Variants in SREBF2 observed in about 807,000 individuals in gnomAD.
The protein encoded by SREBF2 is sterol regulatory element binding transcription factor 2, also known as sterol regulatory element-binding protein 2.
In SREBF2, 55 loss-of-function variants were observed where a neutral mutation model predicts 113.1. That is an observed-to-expected ratio of 0.49 (90% CI 0.39 to 0.61). SREBF2 has a LOEUF of 0.61. SREBF2 is among the 20% of genes least tolerant of loss of function. The pLI is 0.00. For missense variants in SREBF2, 1,349 were observed against 1,487.4 expected (o/e 0.91, Z 1.53); for synonymous variants, 593 against 605.7 (o/e 0.98, Z 0.31).
intron 9 of SREBF2, chr22:41,878,610 G>C: frequency 8.3e-7 from 1 of 1,207,792 alleles, no homozygotes; most frequent in Non-Finnish European, 1.1e-6. Flanking sequence ...AACCAGGAAA[G>C]GTTTTTGAGC....
intron 11 of SREBF2, among the ~76,000 whole-genome samples, chr22:41,890,398 G>A (rs1357709613): frequency 6.6e-6 from 1 of 152,244 alleles, no homozygotes; most frequent in African/African-American, 2.4e-5. Context: ...GTTTAAAATA[G>A]CCAGTGGCTC....
chr22:41,879,770 T>C (rs1266692843), intron 9 of SREBF2, among the ~76,000 whole-genome samples: 1 of 152,210 alleles, frequency 6.6e-6, no homozygotes, highest in East Asian at 1.9e-4. Flanking sequence ...TAGCCTGTCC[T>C]CTAGTTTCCA....
chr22:41,887,049 G>A (rs758415548), intron 11 of SREBF2, among the ~76,000 whole-genome samples: 4 of 151,280 alleles, frequency 2.6e-5, no homozygotes, highest in Non-Finnish European at 5.9e-5. Flanking sequence ...AAATACATAC[G>A]TACATACAAA....
In SREBF2 at chr22:41,901,548, C is replaced by G. The variant is rs2077465615; in HGVS notation, c.2907+1050C>G. ...TGGTGGCATGTATCTGTAATCCCAG[C>G]TACTCAGGAGGCTGAGGCAGAAGAA... On this transcript the variant is annotated intron_variant, in intron 16 of 18. Transcript: ENST00000361204. 2.0e-5 allele frequency among the ~76,000 whole-genome samples: 3 copies of G among 152,282 alleles called. No homozygotes were observed. In the South Asian group the frequency reaches 6.2e-4, roughly 32 times the overall value.
rs2077506024 is a variant in SREBF2 at position 41,906,058 on chromosome 22, C to G, written c.*398C>G. 1 of 469,118 alleles carries G rather than the reference C, an allele frequency of 2.1e-6. No individual in the cohort carries two copies. Among genetic ancestry groups the G allele is most frequent in the African/African-American group, 2.0e-5 (1 of 50,820 alleles). The allele number at this position is 469,118 out of a possible 1,614,324, so 29.1% of individuals were successfully genotyped here. On this transcript the variant is annotated 3_prime_UTR_variant, in exon 19 of 19. Coordinates refer to ENST00000361204, the MANE Select transcript of SREBF2 (RefSeq NM_004599.4). ...ACAGCAGTCTCTGAGCACCAGGGAG[C>G]AGTTGCCCTCAGGCCTGTGCCCAGC...
At chr22:41,858,661 C>T (rs1423330563) in intron 1 of SREBF2, among the ~76,000 whole-genome samples, 4 of 152,006 alleles carry the variant, frequency 2.6e-5, no homozygotes, top group Non-Finnish European at 5.9e-5. Context: ...AGTGGAGGAT[C>T]CCTTAAGCCC....
chr22:41,878,219 TGA>T, intron 9 of SREBF2, 96 bp downstream of exon 9: 2 of 1,531,980 alleles, frequency 1.3e-6, no homozygotes, highest in Non-Finnish European at 1.8e-6. Flanking sequence ...ATGCTTGTGG[TGA>T]GAGGAAAAAG....
chr22:41,900,473 C>A lies in SREBF2; in HGVS notation c.2882C>A (p.Ala961Asp). 6.2e-7 allele frequency: 1 copy of A among 1,613,556 alleles called. No individual in the cohort carries two copies. Among genetic ancestry groups the A allele is most frequent in the Non-Finnish European group, 8.5e-7 (1 of 1,179,868 alleles). Residue 961 changes from alanine to aspartate, a missense_variant, in exon 16 of 19, where the codon GCC becomes GAC. This residue lies in a region of SREBF2 where 650 missense variants were observed against 644.1 expected (regional missense o/e 1.01). Transcript: ENST00000361204. ...HLWSSLNVSG[A>D]TSDPALNHVV... is the part of the protein sequence containing the mutation. ...TGGAGCAGCCTCAACGTCAGTGGGG[C>A]CACCTCTGACCCTGCCCTCAACCAC...
chr22:41,854,351 G>A (rs2076958574), intron 1 of SREBF2, among the ~76,000 whole-genome samples: 1 of 150,824 alleles, frequency 6.6e-6, no homozygotes, highest in African/African-American at 2.4e-5. Context: ...TAGTAGAGAT[G>A]GGGTTTCACC....
chr22:41,900,218 G>A lies in SREBF2; in HGVS notation c.2739-112G>A, dbSNP rs371538946. 176 of 1,544,522 alleles carry A rather than the reference G, an allele frequency of 1.1e-4. 2 individuals are homozygous for A. In the East Asian group the frequency reaches 1.7e-3, roughly 15 times the overall value. On this transcript the variant is annotated intron_variant, in intron 15 of 18. Transcript: ENST00000361204. ...CATAGTGGCAGCATTGGAGTCAACAGATGCACATGTCATATCAGTGTGGGG... is the reference window on the plus strand; with the variant it reads ...CATAGTGGCAGCATTGGAGTCAACAAATGCACATGTCATATCAGTGTGGGG...
chr22:41,866,227 G>T (rs2077073105), intron 1 of SREBF2, among the ~76,000 whole-genome samples: 1 of 152,186 alleles, frequency 6.6e-6, no homozygotes, highest in Non-Finnish European at 1.5e-5. Flanking sequence ...CTAGTACAAA[G>T]GTAGTTCCTT....
chr22:41,874,940 A>G (rs1233534098), intron 5 of SREBF2, among the ~76,000 whole-genome samples: 1 of 152,196 alleles, frequency 6.6e-6, no homozygotes, highest in Non-Finnish European at 1.5e-5. Context: ...TAACTGTCCA[A>G]CAATGCTGTG....
At chr22:41,891,992 G>A (rs1190846794) in intron 11 of SREBF2, among the ~76,000 whole-genome samples, 2 of 152,186 alleles carry the variant, frequency 1.3e-5, no homozygotes, top group Non-Finnish European at 2.9e-5. Flanking sequence ...CAGTGACCGG[G>A]GCCCTGGCTC....
In SREBF2 at chr22:41,898,986, C is replaced by T. The variant is rs1045701597; in HGVS notation, c.2738+205C>T. The T allele has an allele frequency of 1.7e-5, 13 of 743,570 alleles. No individual in the cohort carries two copies. The African/African-American group carries it at 2.1e-4, about 12-fold the overall frequency. The allele number at this position is 743,570 out of a possible 1,614,324, so 46.1% of individuals were successfully genotyped here. A position where few individuals can be genotyped will look rare whatever the true frequency, so the allele number is the denominator to read the frequency against. Reference sequence around the variant, plus strand: ...TCCTCTGTGCAAGTGTCCTGCTCTGCACAACACGACAGTTGTCCCAGCAGC... The same window carrying T: ...TCCTCTGTGCAAGTGTCCTGCTCTGTACAACACGACAGTTGTCCCAGCAGC... On this transcript the variant is annotated intron_variant, in intron 15 of 18. Coordinates refer to ENST00000361204, the MANE Select transcript of SREBF2 (RefSeq NM_004599.4).
Position 41,876,031 on chromosome 22 carries a change from C to A in SREBF2, c.1386+307C>A, listed in dbSNP as rs138563448. On this transcript the variant is annotated intron_variant, in intron 7 of 18. Coordinates refer to ENST00000361204, the MANE Select transcript of SREBF2 (RefSeq NM_004599.4). ...GGGCGTTGGGAGCTGCTGGAGGCAC[C>A]TCATTGCTTCACTCTGCCTTTAATG... Among the ~76,000 whole-genome samples the A allele has an allele frequency of 4.8e-3, 727 of 152,332 alleles. 7 individuals carry two copies. The highest frequency in any genetic ancestry group is 0.015 in the African/African-American group (637 of 41,568).
chr22:41,903,145 C>G lies in SREBF2; in HGVS notation c.3083C>G (p.Ala1028Gly). Residue 1028 changes from alanine to glycine, a missense_variant, in exon 17 of 19, where the codon GCA becomes GGA. By Grantham distance (60) the Ala-to-Gly change is moderately conservative (BLOSUM62 0). This residue lies in a region of SREBF2 where 650 missense variants were observed against 644.1 expected (regional missense o/e 1.01). Coordinates refer to ENST00000361204, the MANE Select transcript of SREBF2 (RefSeq NM_004599.4). The part of the protein sequence containing the change: ...LRRLAHSFRP[A>G]YRKVFLHEAT... ...AGGCTGGCACACAGCTTCCGCCCAG[C>G]ATACCGCAAGGTGAGGCCCAGCTGG... is the stretch of plus-strand genomic sequence containing the variant. The G allele has an allele frequency of 1.9e-6, 3 of 1,552,846 alleles. No individual in the cohort carries two copies. In the African/African-American group the frequency reaches 4.1e-5, roughly 21 times the overall value.
intron 2 of SREBF2, among the ~76,000 whole-genome samples, chr22:41,868,291 G>T (rs576132187): frequency 3.3e-5 from 5 of 152,192 alleles, no homozygotes; most frequent in African/African-American, 4.8e-5. Context: ...GGAAGAAAAT[G>T]AAGCCCCAGG....
chr22:41,859,796 A>ATCCTTTTTTTTTTTTTTT (rs1556036589), intron 1 of SREBF2, among the ~76,000 whole-genome samples: 1 of 89,038 alleles, frequency 1.1e-5, no homozygotes, highest in Non-Finnish European at 2.2e-5. Context: ...GGATATGGTG[A>ATCCTTTTTTTTTTTTTTT]TTCTTTTTTT....
At chr22:41,902,819 C>T (rs764583823) in intron 16 of SREBF2, 151 bp from the exon 17 acceptor site, 29 of 853,778 alleles carry the variant, frequency 3.4e-5, no homozygotes, top group Admixed American at 1.2e-4. Context: ...TGTTCCCTCA[C>T]GTCCTGCGGA....
Sources: gnomAD v4.1 joint callset for allele counts (sites outside exome capture counted in the v4.1 genomes callset) on GRCh38, gnomAD v4.1.1 for gene constraint, gnomAD v4.1.1 regional missense constraint, MANE v1.5 for transcripts, NCBI Gene and HGNC (gene_info 2026-07-23, HGNC 2026-07-21) for gene names.